The following TCF20 variants were observed in gnomAD, a reference collection of about 807,000 sequenced individuals.
TCF20 encodes transcription factor 20.
TCF20 carries 3 observed loss-of-function variants against 148.6 expected under a neutral mutation model. That is an observed-to-expected ratio of 0.02 (90% CI 0.01 to 0.05). The LOEUF (loss-of-function observed/expected upper bound fraction) is 0.05, where lower values mean the gene tolerates loss of function less well. TCF20 is among the 10% of genes least tolerant of loss of function. The pLI is 1.00. For missense variants in TCF20, 2,350 were observed against 2,429.3 expected (o/e 0.97, Z 0.69); for synonymous variants, 1,049 against 909.5 (o/e 1.15, Z -2.76).
chr22:42,291,929 A>C (rs962981729), intron 1 of TCF20, among the ~76,000 whole-genome samples: 14 of 152,206 alleles, frequency 9.2e-5, no homozygotes, highest in East Asian at 5.8e-4. Flanking sequence ...ATCCAAGTTG[A>C]AACCACAGAT....
chr22:42,215,229 C>T lies in TCF20; in HGVS notation c.77G>A (p.Arg26Gln), dbSNP rs754459427. 134 of 1,614,068 alleles carry T rather than the reference C, an allele frequency of 8.3e-5. No homozygotes were observed. Among genetic ancestry groups the T allele is most frequent in the Non-Finnish European group, 1.1e-4 (124 of 1,180,042 alleles). The change falls in exon 2 of 6, where the codon CGG becomes CAG. Residue 26 changes from arginine (R) to glutamine (Q), a missense_variant. Physicochemically the swap from Arg to Gln is conservative, Grantham distance 43 (BLOSUM62 1). Around this residue, in one of 7 missense-constraint regions of TCF20, gnomAD observed 1,641 missense variants for 1,662.6 expected, o/e 0.99. Transcript: ENST00000677622. ...SYPQEVHGSSRLEEFSPRQAQ... is the reference protein window; with the variant it reads ...SYPQEVHGSSQLEEFSPRQAQ... ...CTGACGAGGGCTGAACTCTTCTAGCCGGGATGAGCCGTGTACCTCCTGTGG... is the reference window on the plus strand; with the variant it reads ...CTGACGAGGGCTGAACTCTTCTAGCTGGGATGAGCCGTGTACCTCCTGTGG...
chr22:42,262,610 A>T (rs1278379000), intron 1 of TCF20, among the ~76,000 whole-genome samples: 1 of 152,074 alleles, frequency 6.6e-6, no homozygotes, highest in African/African-American at 2.4e-5. Context: ...AACAAACAAA[A>T]GCCTGGGGAG....
In TCF20 at chr22:42,210,417, G is replaced by A; in HGVS notation, c.4889C>T (p.Ser1630Phe). The change falls in exon 2 of 6, where the codon TCT becomes TTT. Residue 1630 changes from serine (S) to phenylalanine (F), a missense_variant. By Grantham distance (155) the Ser-to-Phe change is radical. Coordinates refer to ENST00000677622, the MANE Select transcript of TCF20 (RefSeq NM_001378418.1). The surrounding 1 kb of genome is among the most constrained non-coding windows in gnomAD (Gnocchi z 4.7). The part of the protein sequence containing the change: ...PLDKTDAKNK[S>F]FYPYIHVVNK... ...TACTACATGGATGTAAGGGTAAAAA[G>A]ACTTGTTCTTGGCATCAGTTTTATC... 1.2e-6 allele frequency: 2 copies of A among 1,614,220 alleles called. No homozygotes were observed. The highest frequency in any genetic ancestry group is 1.7e-6 in the Non-Finnish European group (2 of 1,180,044).
chr22:42,302,077 G>A (rs749082508), intron 1 of TCF20, among the ~76,000 whole-genome samples: 17 of 152,334 alleles, frequency 1.1e-4, no homozygotes, highest in Non-Finnish European at 2.2e-4. Flanking sequence ...AGCAAGAGCC[G>A]GCAAAGGAGG....
In TCF20 at chr22:42,210,692, C is replaced by T; in HGVS notation, c.4614G>A (p.Lys1538=). ...CACTACCAATGGGTCTCCCCTTCTT[C>T]TTTCCTGATGGGAAATATCCCTTTG... ...FPPKGYFPSG[K]KKGRPIGSVN... Residue 1538 remains lysine (K), a synonymous_variant, in exon 2 of 6, where the codon AAG becomes AAA. Transcript: ENST00000677622. The surrounding 1 kb of genome is among the most constrained non-coding windows in gnomAD (Gnocchi z 4.7). The T allele has an allele frequency of 6.2e-7, 1 of 1,614,232 alleles. No homozygotes were observed. Among genetic ancestry groups the T allele is most frequent in the Non-Finnish European group, 8.5e-7 (1 of 1,180,048 alleles).
At chr22:42,223,752 A>G (rs1922593958) in intron 1 of TCF20, among the ~76,000 whole-genome samples, 1 of 152,228 alleles carries the variant, frequency 6.6e-6, no homozygotes, top group African/African-American at 2.4e-5. Context: ...ATATATCTGT[A>G]ACACCTGTAT....
chr22:42,174,104 T>G (rs777652701), intron 3 of TCF20, among the ~76,000 whole-genome samples: 2 of 152,142 alleles, frequency 1.3e-5, no homozygotes, highest in African/African-American at 2.4e-5. Context: ...GATGTTCCAG[T>G]GCTCTATGGC....
intron 1 of TCF20, among the ~76,000 whole-genome samples, chr22:42,269,507 A>G (rs1201440762): frequency 6.6e-6 from 1 of 152,170 alleles, no homozygotes; most frequent in Non-Finnish European, 1.5e-5. Context: ...CGGCGTCCAG[A>G]GGACAGTGCA....
chr22:42,284,926 A>C (rs1312193424), upstream of TCF20, among the ~76,000 whole-genome samples: 1 of 152,250 alleles, frequency 6.6e-6, no homozygotes, highest in Admixed American at 6.5e-5. Context: ...CAGAGACCCA[A>C]GTGTCCAGTG....
chr22:42,188,324 A>G (rs933278428), intron 2 of TCF20, among the ~76,000 whole-genome samples: 2 of 146,444 alleles, frequency 1.4e-5, no homozygotes. Context: ...AAAAAAATCC[A>G]GATTCTCACC....
intron 5 of TCF20, among the ~76,000 whole-genome samples, chr22:42,165,140 G>A (rs1332322699): frequency 6.6e-6 from 1 of 152,240 alleles, no homozygotes; most frequent in South Asian, 2.1e-4. Context: ...GACAGACTCA[G>A]GCTCTCCTCT....
chr22:42,294,085 C>G (rs1345731539), intron 1 of TCF20, among the ~76,000 whole-genome samples: 2 of 152,206 alleles, frequency 1.3e-5, no homozygotes, highest in African/African-American at 4.8e-5. Context: ...AGCCCTAGGA[C>G]AGGAGCCAGG....
At chr22:42,283,513 G>A (rs1297871538) in intron 1 of TCF20, among the ~76,000 whole-genome samples, 1 of 152,004 alleles carries the variant, frequency 6.6e-6, no homozygotes, top group East Asian at 1.9e-4. Context: ...CAGCCCCCTC[G>A]GGCCCCTCCT....
chr22:42,255,727 T>C (rs902509048), intron 1 of TCF20, among the ~76,000 whole-genome samples: 1 of 152,042 alleles, frequency 6.6e-6, no homozygotes, highest in Non-Finnish European at 1.5e-5. Context: ...GCCAAGATGA[T>C]CAATTCATCA....
At chr22:42,339,189 C>T (rs144513278) in intron 1 of TCF20, among the ~76,000 whole-genome samples, 8 of 152,288 alleles carry the variant, frequency 5.3e-5, no homozygotes, top group African/African-American at 1.4e-4. Context: ...GCCTAGCGCT[C>T]GTCCTCACAC....
chr22:42,231,194 TA>T (rs1923367084), intron 1 of TCF20, among the ~76,000 whole-genome samples: 1 of 151,970 alleles, frequency 6.6e-6, no homozygotes, highest in Admixed American at 6.6e-5. Flanking sequence ...AAAAAGCTTA[TA>T]AAGTGGCTAG....
chr22:42,215,922 T>C (rs1921726673), intron 1 of TCF20, among the ~76,000 whole-genome samples: 1 of 152,052 alleles, frequency 6.6e-6, no homozygotes. Flanking sequence ...CATGTATGTC[T>C]CATATATCTA....
chr22:42,212,508 A>G lies in TCF20; in HGVS notation c.2798T>C (p.Phe933Ser), dbSNP rs775592933. The stretch of plus-strand genomic sequence containing the variant: ...ACTAGCTTGAGATTTAGACTGTTCA[A>G]AGTCTTCCTCTTTTATCTGCCCGCT... The part of the protein sequence containing the change: ...SQSGQIKEED[F>S]EQSKSQASFN... The change falls in exon 2 of 6, where the codon TTT becomes TCT. Residue 933 changes from phenylalanine (F) to serine (S), a missense_variant. Physicochemically the swap from Phe to Ser is radical, Grantham distance 155 (BLOSUM62 -2). Around this residue, in one of 7 missense-constraint regions of TCF20, gnomAD observed 1,641 missense variants for 1,662.6 expected, o/e 0.99. Transcript: ENST00000677622. The G allele has an allele frequency of 3.7e-6, 6 of 1,614,158 alleles. No individual in the cohort carries two copies. Among genetic ancestry groups the G allele is most frequent in the Admixed American group, 1.7e-5 (1 of 60,024 alleles).
At chr22:42,191,641 A>G (rs144693986) in intron 2 of TCF20, among the ~76,000 whole-genome samples, 159 of 152,334 alleles carry the variant, frequency 1.0e-3, no homozygotes, top group African/African-American at 3.7e-3. Flanking sequence ...AATCCTAATC[A>G]GAGGGTTTCT....
Sources: allele counts gnomAD v4.1 joint callset (sites outside exome capture counted in the v4.1 genomes callset), GRCh38; gene constraint gnomAD v4.1.1; regional missense constraint gnomAD v4.1.1; non-coding constraint Gnocchi (gnomAD v3.1); transcripts MANE v1.5; gene names NCBI Gene and HGNC (gene_info 2026-07-23, HGNC 2026-07-21).